The following ADAMTS20 variants were observed in gnomAD, a reference collection of about 807,000 sequenced individuals.
ADAMTS20 encodes ADAM metallopeptidase with thrombospondin type 1 motif 20, also known as A disintegrin and metalloproteinase with thrombospondin motifs 20.
A neutral mutation model predicts 260.1 loss-of-function variants in ADAMTS20; 225 were observed. The ratio of observed to expected loss-of-function variants is 0.87; its 90% CI spans 0.78 to 0.97. The LOEUF is 0.97. ADAMTS20 is among the 50% of genes least tolerant of loss of function. ADAMTS20 has a pLI of 0.00. For synonymous variants in ADAMTS20, 802 were observed against 769.5 expected, an observed-to-expected ratio of 1.04 and a Z score of -0.70; for missense variants, 2,400 against 2,337.7, an observed-to-expected ratio of 1.03 and a Z score of -0.55.
Position 43,551,818 on chromosome 12 carries a change from G to C in ADAMTS20, c.91+13C>G. On this transcript the variant is annotated intron_variant, in intron 1 of 38. Coordinates refer to ENST00000389420, the MANE Select transcript of ADAMTS20 (RefSeq NM_025003.5). This position sits in a 1 kb window ranked among gnomAD's most constrained non-coding sequence, Gnocchi z 4.6. ...CCCACTTAGCCGCTGAAGGCGTCTC[G>C]CGGTGACTTTACCTTGCCTGGGGTG... 1 of 1,612,726 alleles carries C rather than the reference G, an allele frequency of 6.2e-7. No homozygotes were observed. Among genetic ancestry groups the C allele is most frequent in the Non-Finnish European group, 8.5e-7 (1 of 1,179,390 alleles).
intron 28 of ADAMTS20, among the ~76,000 whole-genome samples, chr12:43,413,811 T>G (rs1941077751): frequency 6.6e-6 from 1 of 152,196 alleles, no homozygotes; most frequent in Non-Finnish European, 1.5e-5. Context: ...CTTGATTGAT[T>G]GAGAAGAAAA....
chr12:43,412,299 A>G (rs1592055538), intron 28 of ADAMTS20, among the ~76,000 whole-genome samples: 3 of 152,348 alleles, frequency 2.0e-5, no homozygotes, highest in African/African-American at 7.2e-5. Context: ...ACTCTTCAGT[A>G]GAGAGAAAAT....
chr12:43,549,639 G>A (rs1342274245), intron 2 of ADAMTS20, among the ~76,000 whole-genome samples: 1 of 152,110 alleles, frequency 6.6e-6, no homozygotes, highest in Non-Finnish European at 1.5e-5. Context: ...CATTATTTTA[G>A]AAAGGTTTTA....
intron 28 of ADAMTS20, chr12:43,423,550 G>A: frequency 1.7e-6 from 1 of 591,552 alleles, no homozygotes; most frequent in East Asian, 2.8e-5. Context: ...CTCCTAATTG[G>A]GAAAAAATTC....
At chr12:43,485,383 T>G (rs997157758) in intron 7 of ADAMTS20, among the ~76,000 whole-genome samples, 8 of 152,016 alleles carry the variant, frequency 5.3e-5, no homozygotes, top group Non-Finnish European at 1.5e-5. Context: ...CCCTTTATGA[T>G]AAAAATCCTC....
At chr12:43,456,058 A>G (rs953161764) in intron 11 of ADAMTS20, among the ~76,000 whole-genome samples, 1 of 152,186 alleles carries the variant, frequency 6.6e-6, no homozygotes, top group Non-Finnish European at 1.5e-5. Context: ...GGAGAATATG[A>G]TAATTCGATT....
At position 43,399,131 on chromosome 12, in the gene ADAMTS20, G is replaced by A. The variant is rs1218378864; in HGVS notation, c.4387C>T (p.Pro1463Ser). 3 of 1,554,454 alleles carry A rather than the reference G, an allele frequency of 1.9e-6. No homozygotes were observed. The highest frequency in any genetic ancestry group is 2.0e-5 in the Admixed American group (1 of 50,984). The change falls in exon 29 of 39, where the codon CCT becomes TCT. Residue 1463 changes from proline to serine, a missense_variant. Transcript: ENST00000389420. Reference protein sequence around the residue: ...EDTNCSQVQKPPTHKACRSVR... With the variant: ...EDTNCSQVQKSPTHKACRSVR... ...GATCTACAGGCTTTGTGAGTTGGAG[G>A]TTTCTGTACTTGACTGCAATTTGTG...
intron 4 of ADAMTS20, among the ~76,000 whole-genome samples, chr12:43,496,492 G>A (rs1291043317): frequency 6.6e-6 from 1 of 152,096 alleles, no homozygotes; most frequent in Non-Finnish European, 1.5e-5. Context: ...CACATCCCCC[G>A]GCCACTGGTA....
rs1018307511 is a variant in ADAMTS20, at chr12:43,377,705, T to C, written c.4798-143A>G. On this transcript the variant is annotated intron_variant, in intron 31 of 38. Coordinates refer to ENST00000389420, the MANE Select transcript of ADAMTS20 (RefSeq NM_025003.5). ...AGCTTCATTTACAGATGAGCAAACA[T>C]AGGTTCAGACATTAGACAAGTTTCC... 2.8e-6 allele frequency: 2 copies of C among 702,790 alleles called. 1 individual carries two copies. 43.5% of individuals were successfully genotyped at this position (702,790 alleles called of 1,614,324 possible).
chr12:43,467,771 A>G (rs1942181572), intron 8 of ADAMTS20, among the ~76,000 whole-genome samples: 1 of 152,150 alleles, frequency 6.6e-6, no homozygotes, highest in South Asian at 2.1e-4. Context: ...AGGGAACTGA[A>G]GAGATGATCG....
At position 43,551,969 on chromosome 12, in the gene ADAMTS20, G is replaced by A. The variant is rs776395930; in HGVS notation, c.-48C>T. The A allele has an allele frequency of 1.3e-6, 2 of 1,551,472 alleles. No individual in the cohort carries two copies. The highest frequency in any genetic ancestry group is 1.7e-5 in the Admixed American group (1 of 59,800). ...TCGGGGAGGCCCACCAGAGCCGCCG[G>A]CAGCCAAGCCGGCTTCCCTCGCGCT... is the stretch of plus-strand genomic sequence containing the variant. On this transcript the variant is annotated 5_prime_UTR_variant, in exon 1 of 39. Coordinates refer to ENST00000389420, the MANE Select transcript of ADAMTS20 (RefSeq NM_025003.5). This position sits in a 1 kb window ranked among gnomAD's most constrained non-coding sequence, Gnocchi z 4.6.
At chr12:43,405,349 C>T (rs931704698) in intron 28 of ADAMTS20, among the ~76,000 whole-genome samples, 16 of 144,862 alleles carry the variant, frequency 1.1e-4, no homozygotes, top group African/African-American at 3.6e-4. Flanking sequence ...GCCCAGGGGA[C>T]GGAGGTTGCA....
chr12:43,475,618 A>T (rs1269835137), intron 7 of ADAMTS20, among the ~76,000 whole-genome samples: 1 of 152,050 alleles, frequency 6.6e-6, no homozygotes, highest in Non-Finnish European at 1.5e-5. Context: ...AGTAACCAAA[A>T]CCGCATGGTA....
chr12:43,395,677 CTTT>C (rs5797860), intron 29 of ADAMTS20, among the ~76,000 whole-genome samples: 3,080 of 90,858 alleles, frequency 0.034, 32 homozygotes, highest in East Asian at 0.12. Flanking sequence ...GTGTGAGATT[CTTT>C]TTTTTTTTTT....
At chr12:43,544,526 A>C (rs949161070) in intron 2 of ADAMTS20, among the ~76,000 whole-genome samples, 9 of 152,198 alleles carry the variant, frequency 5.9e-5, no homozygotes, top group Non-Finnish European at 1.3e-4. Flanking sequence ...ACACGTGCAT[A>C]AAACGTCAAC....
chr12:43,354,433 G>A (rs1400649466), intron 38 of ADAMTS20, 135 bp from the exon 39 acceptor site: 2 of 612,892 alleles, frequency 3.3e-6, no homozygotes, highest in Non-Finnish European at 5.6e-6. Context: ...TTGCATTTGA[G>A]GTCAAAGATC....
At chr12:43,494,165 T>A (rs1942645097) in intron 4 of ADAMTS20, among the ~76,000 whole-genome samples, 1 of 152,182 alleles carries the variant, frequency 6.6e-6, no homozygotes, top group Non-Finnish European at 1.5e-5. Context: ...GATCACCTTC[T>A]TGTTGGCCAC....
chr12:43,442,789 G>T (rs992831666), intron 16 of ADAMTS20, among the ~76,000 whole-genome samples: 1 of 152,092 alleles, frequency 6.6e-6, no homozygotes, highest in African/African-American at 2.4e-5. Context: ...TAAATATTTT[G>T]CATCTTGTAT....
intron 14 of ADAMTS20, among the ~76,000 whole-genome samples, chr12:43,451,138 G>A (rs986583823): frequency 1.3e-5 from 2 of 152,172 alleles, no homozygotes; most frequent in African/African-American, 2.4e-5. Context: ...CAACATGGAT[G>A]AACCTGGAGG....
Sources: gnomAD v4.1 joint callset for allele counts (sites outside exome capture counted in the v4.1 genomes callset) on GRCh38, gnomAD v4.1.1 for gene constraint, Gnocchi (gnomAD v3.1) non-coding constraint, MANE v1.5 for transcripts, NCBI Gene and HGNC (gene_info 2026-07-23, HGNC 2026-07-21) for gene names.